The following CDH1 variants were observed in gnomAD, a reference collection of about 807,000 sequenced individuals.
CDH1 encodes cadherin 1.
A neutral mutation model predicts 84.5 loss-of-function variants in CDH1; 35 were observed. The ratio of observed to expected loss-of-function variants is 0.41; its 90% confidence interval spans 0.32 to 0.55. The LOEUF (loss-of-function observed/expected upper bound fraction) is 0.55. CDH1 is among the 20% of genes least tolerant of loss of function. The probability of loss-of-function intolerance (pLI) is 0.19; values close to 1 mark genes in which losing one functional copy is unlikely to be tolerated. For synonymous variants in CDH1, 417 were observed against 439.0 expected, an observed-to-expected ratio of 0.95 and a Z score of 0.63; for missense variants, 994 against 1,126.6, an observed-to-expected ratio of 0.88 and a Z score of 1.68.
rs574831375 is a variant in CDH1 at position 68,782,947 on chromosome 16, G to C, written c.164-18723G>C. 1.5e-4 allele frequency among the ~76,000 whole-genome samples: 23 copies of C among 152,226 alleles called. No individual in the cohort carries two copies. In the South Asian group the frequency reaches 2.1e-3, roughly 14 times the overall value. ...GAATGTACTTATCAAACCACAAATAGAATCAGAGAAGGACTATATAGTCTC... is the reference window on the plus strand; with the variant it reads ...GAATGTACTTATCAAACCACAAATACAATCAGAGAAGGACTATATAGTCTC... On this transcript the variant is annotated intron_variant, in intron 2 of 15. Coordinates refer to ENST00000261769, the MANE Select transcript of CDH1 (RefSeq NM_004360.5).
chr16:68,753,685 T>C (rs762143469), intron 2 of CDH1, among the ~76,000 whole-genome samples: 2 of 152,068 alleles, frequency 1.3e-5, no homozygotes, highest in Non-Finnish European at 2.9e-5. Flanking sequence ...TTCAGCAGGG[T>C]AATGGCTTAA....
chr16:68,828,822 T>C (rs1321088938), intron 14 of CDH1, among the ~76,000 whole-genome samples: 1 of 152,158 alleles, frequency 6.6e-6, no homozygotes, highest in Non-Finnish European at 1.5e-5. Context: ...TTCAGTGTCT[T>C]GGAGAGCCTA....
intron 3 of CDH1, among the ~76,000 whole-genome samples, chr16:68,806,461 G>A (rs2152128893): frequency 6.6e-6 from 1 of 152,218 alleles, no homozygotes; most frequent in Admixed American, 6.5e-5. Context: ...AGGATACAGT[G>A]ATGATGGTCA....
intron 2 of CDH1, among the ~76,000 whole-genome samples, chr16:68,749,753 T>G (rs970551265): frequency 1.3e-5 from 2 of 152,182 alleles, no homozygotes; most frequent in Admixed American, 6.5e-5. Context: ...GGCCAGGCCT[T>G]TCTCCTTCCA....
intron 2 of CDH1, among the ~76,000 whole-genome samples, chr16:68,771,765 ATTTT>A (rs1555512415): frequency 1.1e-5 from 1 of 92,108 alleles, no homozygotes; most frequent in African/African-American, 3.4e-5. Flanking sequence ...AAAAAAAAAA[ATTTT>A]TTTTTTGTAA....
At chr16:68,807,673 A>G (rs1960701260) in intron 3 of CDH1, among the ~76,000 whole-genome samples, 2 of 152,050 alleles carry the variant, frequency 1.3e-5, no homozygotes. Context: ...TGGGTGACAG[A>G]GCAAGACCCT....
chr16:68,738,160 C>T, intron 1 of CDH1, 137 bp from the exon 2 acceptor site: 1 of 622,716 alleles, frequency 1.6e-6, no homozygotes, highest in Non-Finnish European at 2.8e-6. Flanking sequence ...TCGCTGCCCG[C>T]CCGTCCCGGG....
At position 68,738,408 on chromosome 16, in the gene CDH1, A is replaced by G. The variant is rs587781329; in HGVS notation, c.160A>G (p.Arg54Gly). ...CCTGGAGAGAGGCCGCGTCCTGGGC[A>G]GAGGTGAGGGCGCGCTGCCGGTGTC... ...RHLERGRVLG[R>G]VNFEDCTGRQ... The change falls in exon 2 of 16, where the codon AGA (arginine) becomes GGA (glycine). Residue 54 changes from arginine to glycine, a missense_variant. Physicochemically the swap from Arg to Gly is moderately radical, Grantham distance 125. Transcript: ENST00000261769. 2.0e-5 allele frequency: 31 copies of G among 1,544,324 alleles called. 1 individual carries two copies. The highest frequency in any genetic ancestry group is 2.0e-5 in the Admixed American group (1 of 50,722).
chr16:68,812,602 T>C (rs909189431), intron 8 of CDH1, among the ~76,000 whole-genome samples: 1 of 152,276 alleles, frequency 6.6e-6, no homozygotes, highest in African/African-American at 2.4e-5. Context: ...TGTTAGACAC[T>C]GGAGAGACCA....
chr16:68,772,326 C>G (rs201278415), intron 2 of CDH1, among the ~76,000 whole-genome samples: 4 of 152,188 alleles, frequency 2.6e-5, no homozygotes, highest in African/African-American at 7.2e-5. Context: ...GAAGCTTCCT[C>G]TCTAATTTAT....
rs2152130119 is a variant in CDH1, at chr16:68,808,733, G to A, written c.572G>A (p.Ser191Asn). Residue 191 changes from serine (S) to asparagine (N), a missense_variant, in exon 5 of 16, where the codon AGC becomes AAC. Ser to Asn is a conservative substitution (Grantham distance 46). Coordinates refer to ENST00000261769, the MANE Select transcript of CDH1 (RefSeq NM_004360.5). ...NKDKEGKVFYSITGQGADTPP... is the reference protein window; with the variant it reads ...NKDKEGKVFYNITGQGADTPP... Reference sequence around the variant, plus strand: ...GACAAAGAAGGCAAGGTTTTCTACAGCATCACTGGCCAAGGAGCTGACACA... The same window carrying A: ...GACAAAGAAGGCAAGGTTTTCTACAACATCACTGGCCAAGGAGCTGACACA... 1 of 1,614,136 alleles carries A rather than the reference G, an allele frequency of 6.2e-7. No homozygotes were observed. Among genetic ancestry groups the A allele is most frequent in the Non-Finnish European group, 8.5e-7 (1 of 1,180,018 alleles).
intron 2 of CDH1, among the ~76,000 whole-genome samples, chr16:68,743,302 T>TCTTC (rs1962617542): frequency 7.6e-5 from 1 of 13,144 alleles, no homozygotes; most frequent in Non-Finnish European, 1.7e-4. Flanking sequence ...TTTCTTTCTT[T>TCTTC]CTTTCTTTCT....
intron 9 of CDH1, among the ~76,000 whole-genome samples, chr16:68,813,887 G>A (rs558516211): frequency 2.0e-5 from 3 of 151,264 alleles, no homozygotes; most frequent in East Asian, 2.0e-4. Flanking sequence ...AGCCAAGATC[G>A]TGCCATTGCA....
intron 3 of CDH1, among the ~76,000 whole-genome samples, 156 bp downstream of exon 3, chr16:68,802,049 G>A (rs1567501707): frequency 1.3e-5 from 2 of 152,220 alleles, no homozygotes; most frequent in Non-Finnish European, 2.9e-5. Flanking sequence ...AGCATCCCTG[G>A]CCTTAACTGG....
chr16:68,779,470 T>C (rs1316033919), intron 2 of CDH1, among the ~76,000 whole-genome samples: 1 of 152,232 alleles, frequency 6.6e-6, no homozygotes, highest in Non-Finnish European at 1.5e-5. Context: ...ATTGCTTTAT[T>C]CACCTGTGAA....
intron 2 of CDH1, among the ~76,000 whole-genome samples, chr16:68,756,572 A>G (rs1306478854): frequency 6.6e-6 from 1 of 152,188 alleles, no homozygotes; most frequent in Non-Finnish European, 1.5e-5. Flanking sequence ...TTGGAGAAAT[A>G]ACAGCTGCTT....
chr16:68,759,487 C>CT (rs141278700), intron 2 of CDH1, among the ~76,000 whole-genome samples: 4,433 of 135,944 alleles, frequency 0.033, 10 homozygotes, highest in African/African-American at 0.088. Context: ...TCTTTTCTTT[C>CT]TTTTTTTTTT....
chr16:68,819,509 A>C, intron 11 of CDH1, 84 bp downstream of exon 11: 5 of 1,363,484 alleles, frequency 3.7e-6, no homozygotes, highest in Non-Finnish European at 5.2e-6. Flanking sequence ...TGGAGGGAAG[A>C]GTTCATTCTT....
intron 2 of CDH1, among the ~76,000 whole-genome samples, chr16:68,800,775 A>G (rs1017580734): frequency 2.6e-5 from 4 of 152,182 alleles, no homozygotes; most frequent in Non-Finnish European, 4.4e-5. Flanking sequence ...TGCCCTCACC[A>G]TGCAATAGAT....
Sources: gnomAD v4.1 joint callset for allele counts (sites outside exome capture counted in the v4.1 genomes callset) on GRCh38, gnomAD v4.1.1 for gene constraint, MANE v1.5 for transcripts, NCBI Gene and HGNC (gene_info 2026-07-23, HGNC 2026-07-21) for gene names.